WDR93: variants seen among roughly 807,000 people sequenced by gnomAD.
WDR93 encodes WD repeat-containing protein 93.
WDR93 carries 73 observed loss-of-function variants against 82.9 expected under a neutral mutation model. The ratio of observed to expected loss-of-function variants is 0.88; its 90% CI spans 0.73 to 1.07. WDR93 has a LOEUF of 1.07. Among genes scored for constraint, WDR93 ranks in the 50% least tolerant of loss-of-function variants. WDR93 has a pLI of 0.00. For missense variants in WDR93, 738 were observed against 826.0 expected (o/e 0.89, Z 1.31); for synonymous variants, 283 against 300.1 (o/e 0.94, Z 0.59).
intron 4 of WDR93, among the ~76,000 whole-genome samples, chr15:89,709,304 G>A (rs1482287783): frequency 6.6e-6 from 1 of 152,202 alleles, no homozygotes; most frequent in African/African-American, 2.4e-5. Context: ...TGGATCCTGA[G>A]GCTGGGCAGG....
intron 2 of WDR93, 132 bp from the exon 3 acceptor site, chr15:89,702,818 C>A: frequency 7.9e-6 from 8 of 1,015,792 alleles, no homozygotes; most frequent in Non-Finnish European, 9.9e-6. Context: ...GGATTACAGG[C>A]GTTAGCCACT....
intron 16 of WDR93, among the ~76,000 whole-genome samples, chr15:89,741,825 C>A (rs1448376714): frequency 6.6e-6 from 1 of 151,982 alleles, no homozygotes; most frequent in African/African-American, 2.4e-5. Context: ...AATCTCAGCT[C>A]ACTGCAACCT....
Position 89,738,197 on chromosome 15 carries a change from T to C in WDR93, c.1922T>C (p.Leu641Pro). ...DLDNMAFPQA[L>P]PLEKRCERFL... Reference sequence around the variant, plus strand: ...GATAACATGGCCTTCCCCCAAGCACTGCCACTGGAGAAGAGATGTGAGCGT... The same window carrying C: ...GATAACATGGCCTTCCCCCAAGCACCGCCACTGGAGAAGAGATGTGAGCGT... Residue 641 changes from leucine to proline, a missense_variant, in exon 16 of 17, where the codon CTG becomes CCG. Leu to Pro is a moderately conservative substitution (Grantham distance 98). Coordinates refer to ENST00000268130, the MANE Select transcript of WDR93 (RefSeq NM_020212.2). 1 of 1,613,700 alleles carries C rather than the reference T, an allele frequency of 6.2e-7. No individual in the cohort carries two copies. Among genetic ancestry groups the C allele is most frequent in the Admixed American group, 1.7e-5 (1 of 59,912 alleles).
In WDR93 at chr15:89,716,937, T is replaced by C; in HGVS notation, c.783T>C (p.Asp261=). ...ACTCCCTTGGTCCCATTTCTGCAGA[T>C]CCTTTAGAAATGGTAAGAAACTTTA... is the stretch of plus-strand genomic sequence containing the variant. The part of the protein sequence containing the change: ...QLNSLGPISA[D]PLEMDANVSF... The change falls in exon 7 of 17, where the codon GAT becomes GAC. Residue 261 remains aspartate, a synonymous_variant. Transcript: ENST00000268130. The C allele has an allele frequency of 2.6e-6, 4 of 1,556,718 alleles. No individual in the cohort carries two copies. Among genetic ancestry groups the C allele is most frequent in the South Asian group, 2.5e-5 (2 of 79,280 alleles).
chr15:89,721,944 CTTAT>C (rs1157778579), intron 7 of WDR93, 107 bp from the exon 8 acceptor site: 2 of 724,250 alleles, frequency 2.8e-6, no homozygotes, highest in African/African-American at 1.8e-5. Flanking sequence ...TATTTGTCCT[CTTAT>C]TTTTCTTTTT....
chr15:89,703,490 A>G, intron 3 of WDR93: 1 of 290,488 alleles, frequency 3.4e-6, no homozygotes, highest in Admixed American at 4.7e-5. Context: ...CCCTTCCAGC[A>G]CTCAGCAGTC....
rs369062759 is a variant in WDR93, at chr15:89,738,033, C to T, written c.1766-8C>T. The T allele has an allele frequency of 2.0e-5, 32 of 1,601,250 alleles. No homozygotes were observed. In the Middle Eastern group the frequency reaches 2.5e-3, roughly 125 times the overall value. On this transcript the variant is annotated splice_region_variant and splice_polypyrimidine_tract_variant and intron_variant, in intron 15 of 16. Coordinates refer to ENST00000268130, the MANE Select transcript of WDR93 (RefSeq NM_020212.2). The stretch of plus-strand genomic sequence containing the variant: ...TACACAGAACATGGTGTTCTTGTCT[C>T]GTCACAGGAGACTATTCACATGAAA...
intron 7 of WDR93, 37 bp from the exon 8 acceptor site, chr15:89,722,018 C>T: frequency 7.3e-7 from 1 of 1,364,574 alleles, no homozygotes; most frequent in Non-Finnish European, 1.0e-6. Flanking sequence ...TTCCTCTCTT[C>T]TCTTGGCTTA....
At chr15:89,731,754 G>A (rs1020772730) in intron 12 of WDR93, among the ~76,000 whole-genome samples, 192 bp downstream of exon 12, 1 of 152,204 alleles carries the variant, frequency 6.6e-6, no homozygotes, top group Non-Finnish European at 1.5e-5. Flanking sequence ...ATGTGCTAAT[G>A]CTTCCCACTG....
At chr15:89,728,455 C>T (rs1308390728) in intron 9 of WDR93, among the ~76,000 whole-genome samples, 1 of 152,218 alleles carries the variant, frequency 6.6e-6, no homozygotes, top group Admixed American at 6.5e-5. Context: ...TCCCTGACAA[C>T]AGCTTCCTGT....
At chr15:89,720,514 G>A (rs941390181) in intron 7 of WDR93, among the ~76,000 whole-genome samples, 8 of 152,102 alleles carry the variant, frequency 5.3e-5, no homozygotes, top group East Asian at 1.9e-4. Flanking sequence ...CTCGTGATTC[G>A]CCCGCCTCGA....
chr15:89,725,456 G>T (rs1280747130), intron 8 of WDR93, among the ~76,000 whole-genome samples: 1 of 151,718 alleles, frequency 6.6e-6, no homozygotes, highest in Non-Finnish European at 1.5e-5. Context: ...CTACCATAAA[G>T]GTCAGGAGAG....
chr15:89,690,756 GC>G (rs750974389), upstream of WDR93: 171 of 610,238 alleles, frequency 2.8e-4, 1 homozygote, highest in Non-Finnish European at 4.1e-4. Context: ...GAGTCTCTCC[GC>G]CCCAGAGGGG....
chr15:89,701,646 A>ATG, intron 1 of WDR93, 61 bp from the exon 2 acceptor site: 1 of 1,380,794 alleles, frequency 7.2e-7, no homozygotes, highest in Non-Finnish European at 9.9e-7. Context: ...GAAAAGGATG[A>ATG]TGTGCTATCT....
At chr15:89,717,046 T>C (rs1485796075) in intron 7 of WDR93, 97 bp downstream of exon 7, 1 of 104,140 alleles carries the variant, frequency 9.6e-6, no homozygotes, top group Non-Finnish European at 1.4e-5. Context: ...TTTTTCTTTC[T>C]TTTTTTTTTT....
intron 1 of WDR93, among the ~76,000 whole-genome samples, chr15:89,698,446 A>T (rs1225737931): frequency 6.6e-6 from 1 of 152,084 alleles, no homozygotes; most frequent in Non-Finnish European, 1.5e-5. Flanking sequence ...GTGATTATTG[A>T]TATGGTTAGA....
intron 1 of WDR93, among the ~76,000 whole-genome samples, chr15:89,698,733 A>T (rs987327740): frequency 5.3e-5 from 8 of 152,124 alleles, no homozygotes; most frequent in African/African-American, 1.9e-4. Flanking sequence ...ATATGTTATT[A>T]ATCCTACACT....
chr15:89,736,184 T>C (rs1367832428), intron 14 of WDR93, among the ~76,000 whole-genome samples: 1 of 152,196 alleles, frequency 6.6e-6, no homozygotes, highest in Non-Finnish European at 1.5e-5. Context: ...AGTTCGGCGA[T>C]GGACTCCACA....
intron 7 of WDR93, chr15:89,721,374 T>C (rs978504015): frequency 1.3e-5 from 2 of 152,198 alleles, no homozygotes; most frequent in African/African-American, 2.4e-5. Context: ...CTGAGCAGCA[T>C]GGCGAGACCT....
Sources: allele counts gnomAD v4.1 joint callset (sites outside exome capture counted in the v4.1 genomes callset), GRCh38; gene constraint gnomAD v4.1.1; transcripts MANE v1.5; gene names NCBI Gene and HGNC (gene_info 2026-07-23, HGNC 2026-07-21).